Variants in PPP3CC observed in about 807,000 individuals in gnomAD.
The protein encoded by PPP3CC is serine/threonine-protein phosphatase 2B catalytic subunit gamma isoform.
Under a neutral mutation model 60.3 loss-of-function variants are expected in PPP3CC, and 35 were observed. That is an observed-to-expected ratio of 0.58 (90% confidence interval 0.44 to 0.77). The LOEUF (loss-of-function observed/expected upper bound fraction) is 0.77, where lower values mean the gene tolerates loss of function less well. Among genes scored for constraint, PPP3CC ranks in the 30% least tolerant of loss-of-function variants. PPP3CC has a pLI of 0.00. For synonymous variants in PPP3CC, 206 were observed against 224.3 expected (o/e 0.92, Z 0.73); for missense variants, 570 against 628.9 (o/e 0.91, Z 1.00).
chr8:22,523,443 A>G (rs1168445816), intron 8 of PPP3CC, among the ~76,000 whole-genome samples: 1 of 152,184 alleles, frequency 6.6e-6, no homozygotes, highest in Non-Finnish European at 1.5e-5. Context: ...TAAAAACTTC[A>G]TATTTCTGTA....
chr8:22,464,665 G>T (rs923836052), intron 1 of PPP3CC, among the ~76,000 whole-genome samples: 22 of 152,050 alleles, frequency 1.4e-4, no homozygotes, highest in Non-Finnish European at 3.1e-4. Context: ...TCTTTTTATA[G>T]GTGTGAGTCA....
intron 3 of PPP3CC, among the ~76,000 whole-genome samples, chr8:22,482,175 C>T (rs572436312): frequency 1.3e-5 from 2 of 152,306 alleles, no homozygotes; most frequent in South Asian, 2.1e-4. Flanking sequence ...TCCTATTTCT[C>T]CACATCCTCT....
rs1837764771 is a variant in PPP3CC at position 22,472,628 on chromosome 8, A to G, written c.50-2326A>G. Among the ~76,000 whole-genome samples, 3 of 151,936 alleles carry G rather than the reference A, an allele frequency of 2.0e-5. No individual in the cohort carries two copies. The South Asian group carries it at 6.2e-4, about 32-fold the overall frequency. ...TTGCCCATGGTGTTTTGCTTGGTTT[A>G]TTTCTATTTTTCATTGTAGATTTGT... On this transcript the variant is annotated intron_variant, in intron 1 of 13. Coordinates refer to ENST00000240139, the MANE Select transcript of PPP3CC (RefSeq NM_005605.5).
At chr8:22,474,430 G>A (rs62492583) in intron 1 of PPP3CC, among the ~76,000 whole-genome samples, 2 of 151,802 alleles carry the variant, frequency 1.3e-5, no homozygotes, top group Non-Finnish European at 2.9e-5. Flanking sequence ...AGGGCTGGGC[G>A]CAGTGGCTCA....
intron 1 of PPP3CC, among the ~76,000 whole-genome samples, chr8:22,444,246 A>C (rs993181076): frequency 6.3e-5 from 9 of 143,792 alleles, no homozygotes; most frequent in Admixed American, 5.0e-4. Context: ...ACAAGAGTGA[A>C]ACTCAGTCTC....
intron 1 of PPP3CC, among the ~76,000 whole-genome samples, chr8:22,443,470 A>G (rs1473778917): frequency 6.7e-6 from 1 of 150,312 alleles, no homozygotes; most frequent in East Asian, 2.0e-4. Context: ...GCAGTGAGCC[A>G]AAATGGTGCC....
intron 12 of PPP3CC, 88 bp from the exon 13 acceptor site, chr8:22,539,381 G>A: frequency 7.1e-7 from 1 of 1,415,028 alleles, no homozygotes; most frequent in South Asian, 1.2e-5. Context: ...CGGGCCCCTG[G>A]GATGGCTGTG....
chr8:22,518,386 G>GTGAA (rs1839310477), intron 6 of PPP3CC, among the ~76,000 whole-genome samples: 1 of 152,026 alleles, frequency 6.6e-6, no homozygotes, highest in Non-Finnish European at 1.5e-5. Context: ...CTATGTATTT[G>GTGAA]TGAATTTTCC....
At chr8:22,487,433 G>A (rs1156559877) in intron 3 of PPP3CC, among the ~76,000 whole-genome samples, 1 of 152,132 alleles carries the variant, frequency 6.6e-6, no homozygotes, top group Non-Finnish European at 1.5e-5. Flanking sequence ...AGACCAGCCT[G>A]GATGACATGG....
chr8:22,444,943 G>A (rs1276660287), intron 1 of PPP3CC, among the ~76,000 whole-genome samples: 1 of 151,902 alleles, frequency 6.6e-6, no homozygotes, highest in Non-Finnish European at 1.5e-5. Flanking sequence ...TTATTTCCCT[G>A]GAATGAATCT....
At chr8:22,519,424 G>T (rs1375278812) in intron 6 of PPP3CC, among the ~76,000 whole-genome samples, 2 of 152,038 alleles carry the variant, frequency 1.3e-5, no homozygotes, top group Non-Finnish European at 2.9e-5. Flanking sequence ...CTGTTTTGTG[G>T]TTCTACTATT....
In PPP3CC at chr8:22,494,342, C is replaced by A. The variant is rs577332004; in HGVS notation, c.373-3659C>A. Among the ~76,000 whole-genome samples the A allele has an allele frequency of 2.6e-5, 4 of 152,268 alleles. No individual in the cohort carries two copies. The East Asian group carries it at 7.7e-4, about 29-fold the overall frequency. On this transcript the variant is annotated intron_variant, in intron 3 of 13. Coordinates refer to ENST00000240139, the MANE Select transcript of PPP3CC (RefSeq NM_005605.5). ...AACCCCTGATAAACCCATCAGATCT[C>A]ATGAGACTTTTTCACTATTACAAGA...
At chr8:22,510,158 G>A (rs1213213172) in intron 4 of PPP3CC, among the ~76,000 whole-genome samples, 1 of 150,014 alleles carries the variant, frequency 6.7e-6, no homozygotes, top group East Asian at 2.0e-4. Flanking sequence ...ACTCCAGCCT[G>A]GGGGACAGAG....
intron 1 of PPP3CC, among the ~76,000 whole-genome samples, chr8:22,459,511 A>C (rs1351366598): frequency 6.6e-6 from 1 of 151,744 alleles, no homozygotes; most frequent in Non-Finnish European, 1.5e-5. Context: ...TTTATCTAGA[A>C]TTGTGTAAAA....
chr8:22,472,207 TTAAAA>T (rs1837743580), intron 1 of PPP3CC, among the ~76,000 whole-genome samples: 1 of 149,848 alleles, frequency 6.7e-6, no homozygotes, highest in Non-Finnish European at 1.5e-5. Flanking sequence ...GTTTCAGTTT[TTAAAA>T]ACTTTTGGAC....
chr8:22,537,322 A>G (rs1839865180), intron 12 of PPP3CC, among the ~76,000 whole-genome samples: 1 of 152,226 alleles, frequency 6.6e-6, no homozygotes, highest in Admixed American at 6.5e-5. Flanking sequence ...ACATCATTAG[A>G]CATTCAGAAA....
intron 3 of PPP3CC, among the ~76,000 whole-genome samples, chr8:22,480,451 T>C (rs993856726): frequency 6.6e-6 from 1 of 152,218 alleles, no homozygotes; most frequent in Non-Finnish European, 1.5e-5. Context: ...TTCCAGGGGC[T>C]GAACTGGAAA....
chr8:22,461,498 GTAAA>G (rs938010336), intron 1 of PPP3CC, among the ~76,000 whole-genome samples: 1 of 152,014 alleles, frequency 6.6e-6, no homozygotes, highest in Non-Finnish European at 1.5e-5. Context: ...TATTTTTTAA[GTAAA>G]TAGTAGAATA....
At chr8:22,469,035 A>G (rs1837632994) in intron 1 of PPP3CC, among the ~76,000 whole-genome samples, 1 of 152,196 alleles carries the variant, frequency 6.6e-6, no homozygotes, top group African/African-American at 2.4e-5. Context: ...ATAAATCAAC[A>G]TGTTTATTGC....
Sources: gnomAD v4.1 joint callset for allele counts (sites outside exome capture counted in the v4.1 genomes callset) on GRCh38, gnomAD v4.1.1 for gene constraint, MANE v1.5 for transcripts, NCBI Gene and HGNC (gene_info 2026-07-23, HGNC 2026-07-21) for gene names.